SYT16: variants seen among roughly 807,000 people sequenced by gnomAD.
SYT16 encodes the protein synaptotagmin-16.
SYT16 carries 42 observed loss-of-function variants against 61.4 expected under a neutral mutation model. The ratio of observed to expected loss-of-function variants is 0.68; its 90% CI spans 0.53 to 0.89. The LOEUF (loss-of-function observed/expected upper bound fraction) is 0.89. SYT16 is among the 40% of genes least tolerant of loss of function. The probability of loss-of-function intolerance (pLI) is 0.00; values close to 1 mark genes in which losing one functional copy is unlikely to be tolerated. For synonymous variants in SYT16, 314 were observed against 302.3 expected (o/e 1.04, Z -0.40); for missense variants, 804 against 807.3 (o/e 1.00, Z 0.05).
At chr14:62,030,349 C>T (rs935118346) in intron 3 of SYT16, among the ~76,000 whole-genome samples, 1 of 152,184 alleles carries the variant, frequency 6.6e-6, no homozygotes, top group Non-Finnish European at 1.5e-5. Context: ...ACAGAACTTA[C>T]TCAGAGAATA....
At chr14:62,048,757 G>T (rs2055121672) in intron 3 of SYT16, among the ~76,000 whole-genome samples, 1 of 152,116 alleles carries the variant, frequency 6.6e-6, no homozygotes. Context: ...TCAGGAGCAG[G>T]TTGTTCAGTT....
intron 3 of SYT16, among the ~76,000 whole-genome samples, chr14:62,011,922 C>CAT (rs1566762614): frequency 1.1e-5 from 1 of 92,616 alleles, no homozygotes; most frequent in African/African-American, 4.7e-5. Context: ...TACACACACA[C>CAT]ACACATATAT....
intron 5 of SYT16, among the ~76,000 whole-genome samples, chr14:62,079,957 A>G (rs892798214): frequency 6.6e-6 from 1 of 152,238 alleles, no homozygotes; most frequent in Non-Finnish European, 1.5e-5. Flanking sequence ...GTCTGGTCTA[A>G]GCCAGGTATT....
At position 61,996,136 on chromosome 14, in the gene SYT16, GGTTAA is replaced by G; in HGVS notation, c.118_122del (p.Val40HisfsTer7). The stretch of plus-strand genomic sequence containing the variant: ...CAGGAGATATGTTATCTGCTTCGCT[GGTTAA>G]CATAAGCAAACAAGACTCTAAATTG... On this transcript the variant is annotated frameshift_variant, in exon 3 of 8. Coordinates refer to ENST00000683842, the MANE Select transcript of SYT16 (RefSeq NM_001367656.1). LOFTEE classifies it high-confidence loss of function. 6.2e-7 allele frequency: 1 copy of G among 1,613,296 alleles called. No individual in the cohort carries two copies. Among genetic ancestry groups the G allele is most frequent in the South Asian group, 1.1e-5 (1 of 91,058 alleles).
chr14:62,062,707 T>A (rs1027810435), intron 3 of SYT16, among the ~76,000 whole-genome samples: 1 of 152,116 alleles, frequency 6.6e-6, no homozygotes, highest in Non-Finnish European at 1.5e-5. Flanking sequence ...CTTATTTCTA[T>A]CCTTATCCAA....
intron 1 of SYT16, among the ~76,000 whole-genome samples, chr14:61,896,810 T>C (rs1336900151): frequency 6.6e-6 from 1 of 152,224 alleles, no homozygotes; most frequent in African/African-American, 2.4e-5. Flanking sequence ...TTTGCATTAT[T>C]TATAAAGAAA....
intron 1 of SYT16, among the ~76,000 whole-genome samples, chr14:61,863,465 T>A (rs2047030005): frequency 6.6e-6 from 1 of 152,270 alleles, no homozygotes; most frequent in Admixed American, 6.5e-5. Flanking sequence ...AGGTTGTTTG[T>A]GTTCTTACTG....
chr14:61,834,058 G>A lies in SYT16; in HGVS notation c.-325+21248G>A, dbSNP rs1315207107. Among the ~76,000 whole-genome samples the A allele has an allele frequency of 2.0e-5, 3 of 149,180 alleles. No homozygotes were observed. The Admixed American group carries it at 2.0e-4, about 10-fold the overall frequency. On this transcript the variant is annotated intron_variant, in intron 1 of 7. Coordinates refer to ENST00000683842, the MANE Select transcript of SYT16 (RefSeq NM_001367656.1). Reference sequence around the variant, plus strand: ...TTGCTTATTGGTTATATTTTATTTAGAATTTCCATGTGTTTTTAGTGGGAA... The same window carrying A: ...TTGCTTATTGGTTATATTTTATTTAAAATTTCCATGTGTTTTTAGTGGGAA...
chr14:62,062,958 A>G (rs1356189753), intron 3 of SYT16, among the ~76,000 whole-genome samples: 1 of 152,084 alleles, frequency 6.6e-6, no homozygotes, highest in Non-Finnish European at 1.5e-5. Flanking sequence ...TTTTTTCTCC[A>G]TCTGTAAAGT....
intron 3 of SYT16, among the ~76,000 whole-genome samples, chr14:62,010,349 G>A (rs1254886216): frequency 1.3e-5 from 2 of 152,134 alleles, no homozygotes; most frequent in African/African-American, 4.8e-5. Context: ...CCTTAATAGG[G>A]TGGTCCTATA....
intron 3 of SYT16, among the ~76,000 whole-genome samples, chr14:62,050,321 A>G (rs552872375): frequency 4.6e-4 from 70 of 152,192 alleles, no homozygotes; most frequent in African/African-American, 1.6e-3. Flanking sequence ...TTTCAGCTCC[A>G]TCAGGTCTTT....
intron 1 of SYT16, among the ~76,000 whole-genome samples, chr14:61,954,217 C>T (rs2140483562): frequency 6.6e-6 from 1 of 152,060 alleles, no homozygotes; most frequent in South Asian, 2.1e-4. Context: ...TTATCTGGTT[C>T]CCTCCTTACT....
intron 1 of SYT16, among the ~76,000 whole-genome samples, chr14:61,836,455 A>G (rs1405064951): frequency 6.6e-6 from 1 of 152,210 alleles, no homozygotes; most frequent in Admixed American, 6.5e-5. Context: ...GGAGAAGTTT[A>G]TATCTTGGTA....
intron 2 of SYT16, among the ~76,000 whole-genome samples, chr14:61,979,395 TG>T (rs2051959456): frequency 6.6e-6 from 1 of 152,176 alleles, no homozygotes; most frequent in Admixed American, 6.5e-5. Flanking sequence ...TCTTCTTTCC[TG>T]GGGCATTTTG....
chr14:61,995,518 T>C (rs1270095100), intron 2 of SYT16, among the ~76,000 whole-genome samples: 1 of 152,184 alleles, frequency 6.6e-6, no homozygotes, highest in African/African-American at 2.4e-5. Context: ...TGCAGGTTTG[T>C]AGATGAAACA....
intron 6 of SYT16, 33 bp downstream of exon 6, chr14:62,081,307 G>A (rs533735114): frequency 2.5e-6 from 4 of 1,584,656 alleles, no homozygotes; most frequent in South Asian, 2.3e-5. Flanking sequence ...CTAATGATGT[G>A]GTGTGTTCGA....
intron 3 of SYT16, among the ~76,000 whole-genome samples, chr14:62,003,565 C>T (rs546244985): frequency 6.6e-6 from 1 of 152,026 alleles, no homozygotes; most frequent in East Asian, 1.9e-4. Context: ...TGTGATTTGA[C>T]CACTTATATA....
In SYT16 at chr14:61,938,932, C is replaced by T. The variant is rs2050098349; in HGVS notation, c.-324-31200C>T. Among the ~76,000 whole-genome samples, 3 of 152,188 alleles carry T rather than the reference C, an allele frequency of 2.0e-5. No homozygotes were observed. In the South Asian group the frequency reaches 6.2e-4, roughly 32 times the overall value. ...GGCGGATCACTTAAGGTCAGGAGCC[C>T]GAGACCAGCCTGGCCAGCATGGTGA... On this transcript the variant is annotated intron_variant, in intron 1 of 7. Transcript: ENST00000683842.
At chr14:61,986,532 A>G (rs1346858072) in intron 2 of SYT16, among the ~76,000 whole-genome samples, 1 of 151,692 alleles carries the variant, frequency 6.6e-6, no homozygotes, top group Non-Finnish European at 1.5e-5. Flanking sequence ...TACATGTGCC[A>G]TGTTGGTGTG....
Sources: allele counts gnomAD v4.1 joint callset (sites outside exome capture counted in the v4.1 genomes callset), GRCh38; gene constraint gnomAD v4.1.1; transcripts MANE v1.5; gene names NCBI Gene and HGNC (gene_info 2026-07-23, HGNC 2026-07-21).